The following FRMD5 variants were observed in gnomAD, a reference collection of about 807,000 sequenced individuals.
FRMD5 encodes FERM domain containing 5.
FRMD5 carries 20 observed loss-of-function variants against 69.0 expected under a neutral mutation model. That is an observed-to-expected ratio of 0.29 (90% CI 0.20 to 0.42). The LOEUF (loss-of-function observed/expected upper bound fraction) is 0.42, where lower values mean the gene tolerates loss of function less well. FRMD5 is among the 10% of genes least tolerant of loss of function. The probability of loss-of-function intolerance (pLI) is 1.00; values close to 1 mark genes in which losing one functional copy is unlikely to be tolerated. For missense variants in FRMD5, 595 were observed against 708.6 expected (o/e 0.84, Z 1.82); for synonymous variants, 271 against 260.1 (o/e 1.04, Z -0.40).
intron 1 of FRMD5, among the ~76,000 whole-genome samples, chr15:44,060,407 A>C (rs1324178385): frequency 6.6e-6 from 1 of 152,214 alleles, no homozygotes; most frequent in African/African-American, 2.4e-5. Flanking sequence ...GTGACAAATT[A>C]AATCATTCAG....
At chr15:44,031,223 G>T (rs1472361517) in intron 1 of FRMD5, among the ~76,000 whole-genome samples, 1 of 151,978 alleles carries the variant, frequency 6.6e-6, no homozygotes, top group Non-Finnish European at 1.5e-5. Context: ...AGAATATAAA[G>T]TTCTGCCCAG....
rs750019572 is a variant in FRMD5 at position 43,874,007 on chromosome 15, A to T, written c.1591T>A (p.Phe531Ile). The change falls in exon 14 of 14, where the codon TTT (phenylalanine) becomes ATT (isoleucine). Residue 531 changes from phenylalanine to isoleucine, a missense_variant. By Grantham distance (21) the Phe-to-Ile change is conservative. This residue lies in a region of FRMD5 where 245 missense variants were observed against 227.1 expected (regional missense o/e 1.08). Transcript: ENST00000417257. ...GGGGTCTGGCGGATATCACGGAAAA[A>T]GGCAATGTCAAGGTCAGACTCGGTA... Reference protein sequence around the residue: ...ILTESDLDIAFFRDIRQTPEF... With the variant: ...ILTESDLDIAIFRDIRQTPEF... 3.1e-6 allele frequency: 5 copies of T among 1,614,090 alleles called. No individual in the cohort carries two copies. In the Admixed American group the frequency reaches 8.3e-5, roughly 27 times the overall value.
chr15:43,945,272 C>A (rs1020588844), intron 1 of FRMD5, among the ~76,000 whole-genome samples: 1 of 152,162 alleles, frequency 6.6e-6, no homozygotes, highest in African/African-American at 2.4e-5. Flanking sequence ...AACATTTACA[C>A]TTATCTGTGG....
In FRMD5 at chr15:44,188,675, A is replaced by G. The variant is rs761636428; in HGVS notation, c.102+6278T>C. On this transcript the variant is annotated intron_variant, in intron 1 of 13. Transcript: ENST00000417257. ...TATCCAATCCCTTATTTCATTTTCC[A>G]TGCTTTGAGAGGCCTCACAATTTCT... Among the ~76,000 whole-genome samples, 23 of 152,130 alleles carry G rather than the reference A, an allele frequency of 1.5e-4. No individual in the cohort carries two copies. In the Middle Eastern group the frequency reaches 0.01, roughly 67 times the overall value.
At position 43,973,086 on chromosome 15, in the gene FRMD5, G is replaced by A. The variant is rs142871316; in HGVS notation, c.103-48777C>T. On this transcript the variant is annotated intron_variant, in intron 1 of 13. Transcript: ENST00000417257. ...CCTCCAGGCTGGAGTGCAGTGGCGC[G>A]ATCTCGGCTCACTGCAAGCACTGCC... 6.7e-3 allele frequency among the ~76,000 whole-genome samples: 1,018 copies of A among 152,034 alleles called. 14 individuals carry two copies. Among genetic ancestry groups the A allele is most frequent in the African/African-American group, 0.023 (965 of 41,492 alleles).
At chr15:43,875,497 A>AGAT (rs1437394490) in intron 13 of FRMD5, among the ~76,000 whole-genome samples, 2 of 150,166 alleles carry the variant, frequency 1.3e-5, no homozygotes, top group Non-Finnish European at 3.0e-5. Context: ...GTGTGTTTTG[A>AGAT]GATGGAGTCT....
chr15:44,119,162 G>T (rs2076911772), intron 1 of FRMD5, among the ~76,000 whole-genome samples: 1 of 151,910 alleles, frequency 6.6e-6, no homozygotes, highest in Non-Finnish European at 1.5e-5. Context: ...TTACCATGCT[G>T]CCCAAGCTGG....
At chr15:43,953,334 G>A (rs2090065965) in intron 1 of FRMD5, among the ~76,000 whole-genome samples, 1 of 152,148 alleles carries the variant, frequency 6.6e-6, no homozygotes, top group African/African-American at 2.4e-5. Flanking sequence ...TGCTTTCTGG[G>A]ATTTTCTCTG....
Position 43,980,105 on chromosome 15 carries a change from T to C in FRMD5, c.103-55796A>G, listed in dbSNP as rs545291793. 1.3e-4 allele frequency among the ~76,000 whole-genome samples: 20 copies of C among 152,342 alleles called. 1 individual carries two copies. The South Asian group carries it at 4.1e-3, about 32-fold the overall frequency. On this transcript the variant is annotated intron_variant, in intron 1 of 13. Coordinates refer to ENST00000417257, the MANE Select transcript of FRMD5 (RefSeq NM_032892.5). ...AATCTAATTGATTGTAAGTGTGATT[T>C]CCCTAGATGCTTGTTTACTCGTTTA...
chr15:44,199,433 T>G (rs2078327515), upstream of FRMD5, among the ~76,000 whole-genome samples: 1 of 152,150 alleles, frequency 6.6e-6, no homozygotes, highest in African/African-American at 2.4e-5. Flanking sequence ...CCAATCACTG[T>G]GAAGAAAACA....
At chr15:43,926,071 C>G (rs569154456) in intron 1 of FRMD5, among the ~76,000 whole-genome samples, 1 of 152,138 alleles carries the variant, frequency 6.6e-6, no homozygotes, top group Admixed American at 6.5e-5. Flanking sequence ...GCAGGCAGGT[C>G]CTCAATAATT....
chr15:43,991,782 T>C (rs1267700773), intron 1 of FRMD5, among the ~76,000 whole-genome samples: 1 of 152,214 alleles, frequency 6.6e-6, no homozygotes, highest in Non-Finnish European at 1.5e-5. Context: ...TCCTGTTTTC[T>C]CAACTCCATT....
intron 1 of FRMD5, among the ~76,000 whole-genome samples, chr15:44,135,839 A>C (rs926305689): frequency 6.6e-6 from 1 of 151,566 alleles, no homozygotes; most frequent in African/African-American, 2.4e-5. Flanking sequence ...AAAAAAAAAA[A>C]AAAACTACAA....
chr15:43,918,339 G>A (rs1210587665), intron 4 of FRMD5, among the ~76,000 whole-genome samples: 1 of 152,178 alleles, frequency 6.6e-6, no homozygotes, highest in Non-Finnish European at 1.5e-5. Context: ...CAGGAGAATC[G>A]CTTGAAACCA....
intron 1 of FRMD5, among the ~76,000 whole-genome samples, chr15:44,062,331 G>T (rs1595683240): frequency 6.6e-6 from 1 of 152,224 alleles, no homozygotes; most frequent in East Asian, 1.9e-4. Flanking sequence ...CCACAGAGAT[G>T]TTACTTCCAA....
chr15:44,135,764 G>A (rs2077173479), intron 1 of FRMD5, among the ~76,000 whole-genome samples: 1 of 147,812 alleles, frequency 6.8e-6, no homozygotes, highest in Non-Finnish European at 1.5e-5. Context: ...GGTAGAGGTT[G>A]CAGTGAGCCG....
At chr15:44,183,907 A>G (rs2078055082) in intron 1 of FRMD5, among the ~76,000 whole-genome samples, 1 of 151,710 alleles carries the variant, frequency 6.6e-6, no homozygotes, top group Non-Finnish European at 1.5e-5. Flanking sequence ...ACTTGAACCC[A>G]GGATGCGGAG....
In FRMD5 at chr15:43,990,260, C is replaced by G. The variant is rs112305103; in HGVS notation, c.103-65951G>C. 2,048 of 358,902 alleles carry G rather than the reference C, an allele frequency of 5.7e-3. 51 individuals are homozygous for G. Among genetic ancestry groups the G allele is most frequent in the African/African-American group, 0.041 (1,935 of 47,486 alleles). The allele number at this position is 358,902 out of a possible 1,614,324, so 22.2% of individuals were successfully genotyped here. On this transcript the variant is annotated intron_variant, in intron 1 of 13. Coordinates refer to ENST00000417257, the MANE Select transcript of FRMD5 (RefSeq NM_032892.5). The stretch of plus-strand genomic sequence containing the variant: ...TCTGTGCTCGCAGGGTGGACACGGT[C>G]TCAGCAGAAACATAAGTTTTATATG...
intron 4 of FRMD5, among the ~76,000 whole-genome samples, chr15:43,910,572 CAAAAAAAAAA>C (rs1167867396): frequency 9.7e-4 from 39 of 40,364 alleles, no homozygotes; most frequent in African/African-American, 1.8e-3. Flanking sequence ...GACCTTGTCT[CAAAAAAAAAA>C]AAAAAAAAAA....
Sources: gnomAD v4.1 joint callset for allele counts (sites outside exome capture counted in the v4.1 genomes callset) on GRCh38, gnomAD v4.1.1 for gene constraint, gnomAD v4.1.1 regional missense constraint, MANE v1.5 for transcripts, NCBI Gene and HGNC (gene_info 2026-07-23, HGNC 2026-07-21) for gene names.